FHIT: variants seen among roughly 807,000 people sequenced by gnomAD.
FHIT encodes bis(5'-adenosyl)-triphosphatase.
A neutral mutation model predicts 17.9 loss-of-function variants in FHIT; 19 were observed. The ratio of observed to expected loss-of-function variants is 1.06; its 90% confidence interval spans 0.74 to 1.56. The LOEUF (loss-of-function observed/expected upper bound fraction) is 1.56. Among genes scored for constraint, FHIT ranks in the 40% most tolerant of loss-of-function variants. FHIT has a pLI of 0.00. For synonymous variants in FHIT, 81 were observed against 69.7 expected (o/e 1.16, Z -0.81); for missense variants, 248 against 189.2 (o/e 1.31, Z -1.82).
intron 5 of FHIT, among the ~76,000 whole-genome samples, chr3:60,496,268 G>C (rs2034296424): frequency 6.6e-6 from 1 of 151,948 alleles, no homozygotes; most frequent in Non-Finnish European, 1.5e-5. Context: ...GATCACAAAG[G>C]ATTTAAATCT....
intron 3 of FHIT, among the ~76,000 whole-genome samples, chr3:60,853,386 C>T (rs9833340): frequency 0.96 from 145,970 of 152,174 alleles, 70,343 homozygotes; most frequent in East Asian, 1. Flanking sequence ...CAACATCCAA[C>T]AGTTGGAATT....
At chr3:60,542,182 T>C (rs2036207819) in intron 4 of FHIT, among the ~76,000 whole-genome samples, 1 of 152,248 alleles carries the variant, frequency 6.6e-6, no homozygotes. Context: ...AATTTATCCA[T>C]GTTGCCATAA....
chr3:61,127,148 C>T (rs531964621), intron 2 of FHIT, among the ~76,000 whole-genome samples: 205 of 152,234 alleles, frequency 1.3e-3, no homozygotes, highest in Middle Eastern at 3.4e-3. Flanking sequence ...CATTTGACTT[C>T]GGTACTGAGA....
At chr3:61,054,720 C>T (rs769994772) in intron 2 of FHIT, among the ~76,000 whole-genome samples, 2 of 152,172 alleles carry the variant, frequency 1.3e-5, no homozygotes, top group Non-Finnish European at 2.9e-5. Context: ...TAAGAGAACA[C>T]TGGTCTCCTG....
chr3:60,570,680 C>T (rs1042741628), intron 4 of FHIT, among the ~76,000 whole-genome samples: 3 of 149,814 alleles, frequency 2.0e-5, no homozygotes, highest in Non-Finnish European at 2.9e-5. Context: ...AGTTGGTCAC[C>T]TTCACCAGGG....
chr3:61,199,218 G>A (rs1448308690), intron 2 of FHIT, among the ~76,000 whole-genome samples: 1 of 152,184 alleles, frequency 6.6e-6, no homozygotes, highest in Non-Finnish European at 1.5e-5. Flanking sequence ...AAAATGGACT[G>A]TGCCTGTGTG....
At chr3:60,157,203 G>A (rs1021357644) in intron 5 of FHIT, among the ~76,000 whole-genome samples, 3 of 152,124 alleles carry the variant, frequency 2.0e-5, no homozygotes, top group Admixed American at 6.6e-5. Flanking sequence ...GTAATGGATT[G>A]AAAAATGCAA....
intron 5 of FHIT, among the ~76,000 whole-genome samples, chr3:60,422,624 C>G (rs1010941382): frequency 3.9e-5 from 6 of 152,094 alleles, no homozygotes; most frequent in Non-Finnish European, 7.4e-5. Context: ...TTGAAGCTGG[C>G]ATGCCTTTCC....
chr3:60,917,926 G>A (rs1707089175), intron 3 of FHIT, among the ~76,000 whole-genome samples: 1 of 152,190 alleles, frequency 6.6e-6, no homozygotes, highest in African/African-American at 2.4e-5. Flanking sequence ...CTATGACTGT[G>A]AACTACACCC....
chr3:60,571,606 G>A (rs549182759), intron 4 of FHIT, among the ~76,000 whole-genome samples: 39 of 152,154 alleles, frequency 2.6e-4, no homozygotes, highest in Admixed American at 1.0e-3. Flanking sequence ...AACAAAAGTC[G>A]GGCATTTCTC....
At chr3:60,558,939 A>G (rs1381120747) in intron 4 of FHIT, among the ~76,000 whole-genome samples, 1 of 152,192 alleles carries the variant, frequency 6.6e-6, no homozygotes, top group Middle Eastern at 3.2e-3. Flanking sequence ...TAATACGTGT[A>G]TCTTCCAGAA....
At chr3:60,491,063 G>A (rs879790240) in intron 5 of FHIT, among the ~76,000 whole-genome samples, 1 of 152,082 alleles carries the variant, frequency 6.6e-6, no homozygotes, top group East Asian at 1.9e-4. Flanking sequence ...AGCCCTCCTT[G>A]CAGTACCAAA....
chr3:59,792,553 A>G (rs1218534016), intron 8 of FHIT, among the ~76,000 whole-genome samples: 1 of 152,184 alleles, frequency 6.6e-6, no homozygotes, highest in East Asian at 1.9e-4. Context: ...GACAACGTCT[A>G]TGAGCCCTAG....
rs372660864 is a variant in FHIT at position 60,615,533 on chromosome 3, T to C, written c.-17-78554A>G. Among the ~76,000 whole-genome samples, 206 of 152,316 alleles carry C rather than the reference T, an allele frequency of 1.4e-3. 7 individuals carry two copies. The South Asian group carries it at 0.041, about 31-fold the overall frequency. ...TGGCTATTCATTTTAGTTACAGCCA[T>C]TCGTCAGAGCAAAGTGATGGTCCAA... On this transcript the variant is annotated intron_variant, in intron 4 of 9. Transcript: ENST00000492590.
chr3:59,938,291 C>T (rs1025538757), intron 7 of FHIT, among the ~76,000 whole-genome samples: 1 of 152,034 alleles, frequency 6.6e-6, no homozygotes, highest in East Asian at 1.9e-4. Flanking sequence ...GTGAAATAAA[C>T]CAGACACAGA....
intron 2 of FHIT, among the ~76,000 whole-genome samples, chr3:61,055,287 T>A (rs2034178125): frequency 6.6e-6 from 1 of 152,132 alleles, no homozygotes; most frequent in Non-Finnish European, 1.5e-5. Context: ...TCTCCCTACC[T>A]CTATCTGTCC....
intron 2 of FHIT, among the ~76,000 whole-genome samples, chr3:61,142,129 T>TC (rs1033709100): frequency 3.3e-5 from 5 of 151,514 alleles, no homozygotes; most frequent in African/African-American, 1.2e-4. Flanking sequence ...AAAATTTTTT[T>TC]TTTATCTGAG....
chr3:60,496,507 A>G (rs2034305592), intron 5 of FHIT, among the ~76,000 whole-genome samples: 3 of 152,172 alleles, frequency 2.0e-5, no homozygotes, highest in Admixed American at 2.0e-4. Context: ...TGCAAACATC[A>G]TGGGAAACAG....
At chr3:60,067,394 A>G (rs1702564264) in intron 5 of FHIT, among the ~76,000 whole-genome samples, 1 of 152,244 alleles carries the variant, frequency 6.6e-6, no homozygotes, top group Non-Finnish European at 1.5e-5. Flanking sequence ...CTATGAATGA[A>G]TATATATCCT....
Sources: gnomAD v4.1 joint callset for allele counts (sites outside exome capture counted in the v4.1 genomes callset) on GRCh38, gnomAD v4.1.1 for gene constraint, MANE v1.5 for transcripts, NCBI Gene and HGNC (gene_info 2026-07-23, HGNC 2026-07-21) for gene names.